ATF7IP2: variants seen among roughly 807,000 people sequenced by gnomAD.
The protein encoded by ATF7IP2 is activating transcription factor 7 interacting protein 2.
Under a neutral mutation model 64.2 loss-of-function variants are expected in ATF7IP2, and 42 were observed. That is an observed-to-expected ratio of 0.65 (90% CI 0.51 to 0.85). ATF7IP2 has a LOEUF of 0.85. ATF7IP2 is among the 40% of genes least tolerant of loss of function. The probability of loss-of-function intolerance (pLI) is 0.00; values close to 1 mark genes in which losing one functional copy is unlikely to be tolerated. For synonymous variants in ATF7IP2, 308 were observed against 272.8 expected (o/e 1.13, Z -1.27); for missense variants, 933 against 784.2 (o/e 1.19, Z -2.27).
At chr16:10,474,222 C>T (rs1402023435) in intron 12 of ATF7IP2, among the ~76,000 whole-genome samples, 1 of 152,164 alleles carries the variant, frequency 6.6e-6, no homozygotes, top group Non-Finnish European at 1.5e-5. Flanking sequence ...CTGGCAGCCA[C>T]CAATCTGTTC....
intron 1 of ATF7IP2, 190 bp downstream of exon 1, chr16:10,386,312 C>T (rs1049558934): frequency 6.6e-6 from 1 of 152,288 alleles, no homozygotes; most frequent in African/African-American, 2.4e-5. Context: ...GGAAGAGGCC[C>T]CTGAGGGGCG....
intron 12 of ATF7IP2, among the ~76,000 whole-genome samples, chr16:10,479,570 G>T (rs2050140175): frequency 6.6e-6 from 1 of 151,848 alleles, no homozygotes; most frequent in Non-Finnish European, 1.5e-5. Flanking sequence ...GTTAATGGGT[G>T]CAGCACACCA....
rs184048947 is a variant in ATF7IP2 at position 10,422,160 on chromosome 16, C to T, written c.-160+2537C>T. 2.0e-5 allele frequency among the ~76,000 whole-genome samples: 3 copies of T among 152,136 alleles called. No individual in the cohort carries two copies. In the East Asian group the frequency reaches 5.8e-4, roughly 29 times the overall value. On this transcript the variant is annotated intron_variant, in intron 3 of 13. Transcript: ENST00000562102. ...TTTCTAATTGTTCAGTAACTAAGTC[C>T]TCTAAAGCCTCCAGTTTCTCTTTGC...
At chr16:10,441,154 C>T (rs552178924) in intron 8 of ATF7IP2, among the ~76,000 whole-genome samples, 18 of 152,140 alleles carry the variant, frequency 1.2e-4, no homozygotes, top group East Asian at 5.8e-4. Flanking sequence ...CTATCATTGA[C>T]GGGGATTTGG....
intron 1 of ATF7IP2, among the ~76,000 whole-genome samples, chr16:10,405,892 T>C (rs561840448): frequency 6.6e-6 from 1 of 152,198 alleles, no homozygotes; most frequent in South Asian, 2.1e-4. Context: ...CAGGAGTTCA[T>C]AACCAGCCTG....
intron 9 of ATF7IP2, among the ~76,000 whole-genome samples, chr16:10,464,169 A>G (rs952970901): frequency 1.3e-5 from 2 of 151,712 alleles, no homozygotes; most frequent in Non-Finnish European, 2.9e-5. Context: ...TTTTTCCCCA[A>G]TTTTTCAAAT....
At chr16:10,431,821 T>G (rs979154260) in intron 5 of ATF7IP2, among the ~76,000 whole-genome samples, 2 of 91,788 alleles carry the variant, frequency 2.2e-5, no homozygotes, top group Non-Finnish European at 4.0e-5. Context: ...ACCCTATTTC[T>G]TTTTTTTTTT....
rs182487931 is a variant in ATF7IP2, at chr16:10,403,020, T to C, written c.-241-11554T>C. Among the ~76,000 whole-genome samples, 4 of 152,334 alleles carry C rather than the reference T, an allele frequency of 2.6e-5. No homozygotes were observed. The South Asian group carries it at 6.2e-4, about 24-fold the overall frequency. On this transcript the variant is annotated intron_variant, in intron 1 of 13. Transcript: ENST00000562102. ...CTCTGTTCTATGAATGAATGTTATG[T>C]TCATTTGGTTTAAAGTTCAATTTCA...
intron 3 of ATF7IP2, among the ~76,000 whole-genome samples, chr16:10,423,571 G>A (rs1210237744): frequency 6.6e-6 from 1 of 152,126 alleles, no homozygotes; most frequent in African/African-American, 2.4e-5. Flanking sequence ...CAGTTACTGG[G>A]GCATCTACTT....
intron 7 of ATF7IP2, 51 bp from the exon 8 acceptor site, chr16:10,440,313 T>G: frequency 2.3e-6 from 2 of 872,584 alleles, no homozygotes; most frequent in Non-Finnish European, 3.5e-6. Flanking sequence ...TATCTCTATG[T>G]GATATATAGT....
At chr16:10,481,351 CTCCCGAGTAGCTGGGATT>C (rs143196677) in intron 13 of ATF7IP2, among the ~76,000 whole-genome samples, 1,939 of 151,248 alleles carry the variant, frequency 0.013, 28 homozygotes, top group African/African-American at 0.035. Flanking sequence ...CTGCCTCAGC[CTCCCGAGTAGCTGGGATT>C]TCCCGAGTAG....
intron 8 of ATF7IP2, among the ~76,000 whole-genome samples, chr16:10,451,775 T>C (rs1337921393): frequency 6.6e-6 from 1 of 152,036 alleles, no homozygotes; most frequent in East Asian, 1.9e-4. Flanking sequence ...GATGCTCCTT[T>C]AGGCTGGGTA....
chr16:10,473,445 G>A, intron 10 of ATF7IP2, 34 bp from the exon 11 acceptor site: 1 of 1,302,058 alleles, frequency 7.7e-7, no homozygotes, highest in Non-Finnish European at 1.1e-6. Context: ...TAAATATTGT[G>A]TAATAAATTT....
intron 9 of ATF7IP2, chr16:10,471,783 G>A (rs950859363): frequency 1.2e-5 from 2 of 162,862 alleles, no homozygotes; most frequent in South Asian, 3.9e-4. Context: ...TTTTATAGAA[G>A]TAAGTATATA....
chr16:10,457,302 G>A, intron 8 of ATF7IP2, 70 bp from the exon 9 acceptor site: 4 of 1,362,508 alleles, frequency 2.9e-6, no homozygotes, highest in Non-Finnish European at 4.0e-6. Flanking sequence ...CTTTGAAAAT[G>A]CTAATTTTGT....
intron 12 of ATF7IP2, among the ~76,000 whole-genome samples, chr16:10,475,665 C>T (rs1243930984): frequency 1.4e-5 from 2 of 142,906 alleles, no homozygotes; most frequent in Non-Finnish European, 3.0e-5. Flanking sequence ...TGCACTCCAG[C>T]CTGGGCAACA....
Position 10,473,473 on chromosome 16 carries a change from T to G in ATF7IP2, c.1427-6T>G. 6.5e-7 allele frequency: 1 copy of G among 1,543,914 alleles called. No homozygotes were observed. Among genetic ancestry groups the G allele is most frequent in the Non-Finnish European group, 8.9e-7 (1 of 1,121,428 alleles). Reference sequence around the variant, plus strand: ...ATAAATTTGTCAAATGTCTAATTTCTTTCAGATACCAGAAAAATTACATCA... The same window carrying G: ...ATAAATTTGTCAAATGTCTAATTTCGTTCAGATACCAGAAAAATTACATCA... On this transcript the variant is annotated splice_region_variant and splice_polypyrimidine_tract_variant and intron_variant, in intron 10 of 13. Coordinates refer to ENST00000562102, the MANE Select transcript of ATF7IP2 (RefSeq NM_001393719.1).
rs372520532 is a variant in ATF7IP2, at chr16:10,431,010, C to T, written c.390C>T (p.Phe130=). 1 of 1,614,042 alleles carries T rather than the reference C, an allele frequency of 6.2e-7. No homozygotes were observed. The change falls in exon 5 of 14, where the codon TTC becomes TTT. Residue 130 remains phenylalanine, a synonymous_variant. Coordinates refer to ENST00000562102, the MANE Select transcript of ATF7IP2 (RefSeq NM_001393719.1). ...SRTTESPSRV[F]TEEAKDSLNT... Reference sequence around the variant, plus strand: ...CAACAGAATCCCCCAGCAGAGTCTTCACAGAAGAGGCAAAAGATTCACTGA... The same window carrying T: ...CAACAGAATCCCCCAGCAGAGTCTTTACAGAAGAGGCAAAAGATTCACTGA...
At chr16:10,442,319 A>G (rs7206887) in intron 8 of ATF7IP2, among the ~76,000 whole-genome samples, 112,580 of 152,156 alleles carry the variant, frequency 0.74, 41,828 homozygotes, top group East Asian at 0.87. Flanking sequence ...TTATTCTTCA[A>G]ACTTATCTAA....
Sources: allele counts gnomAD v4.1 joint callset (sites outside exome capture counted in the v4.1 genomes callset), GRCh38; gene constraint gnomAD v4.1.1; transcripts MANE v1.5; gene names NCBI Gene and HGNC (gene_info 2026-07-23, HGNC 2026-07-21).